The following KIF1A variants were observed in gnomAD, a reference collection of about 807,000 sequenced individuals.
The protein encoded by KIF1A is kinesin-like protein KIF1A.
KIF1A carries 46 observed loss-of-function variants against 227.3 expected under a neutral mutation model. The ratio of observed to expected loss-of-function variants is 0.20; its 90% CI spans 0.16 to 0.26. KIF1A has a LOEUF of 0.26. Among genes scored for constraint, KIF1A ranks in the 10% least tolerant of loss-of-function variants. The pLI is 1.00. For synonymous variants in KIF1A, 1,022 were observed against 1,012.8 expected, an observed-to-expected ratio of 1.01 and a Z score of -0.17; for missense variants, 1,683 against 2,485.9, an observed-to-expected ratio of 0.68 and a Z score of 6.87.
chr2:240,789,034 G>A lies in KIF1A; in HGVS notation c.183+202C>T, dbSNP rs1481362542. On this transcript the variant is annotated intron_variant, in intron 3 of 48. Coordinates refer to ENST00000498729, the MANE Select transcript of KIF1A (RefSeq NM_001244008.2). The surrounding 1 kb of genome is among the most constrained non-coding windows in gnomAD (Gnocchi z 4.8). ...CTCTGACCCTGGAAACTACCCACAC[G>A]GAGCTGAAGGCCCCTCAGTTCCTGC... Among the ~76,000 whole-genome samples, 2 of 152,296 alleles carry A rather than the reference G, an allele frequency of 1.3e-5. No homozygotes were observed. Among genetic ancestry groups the A allele is most frequent in the African/African-American group, 4.8e-5 (2 of 41,546 alleles).
rs1281865300 is a variant in KIF1A, at chr2:240,741,722, C to G, written c.3641-345G>C. On this transcript the variant is annotated intron_variant, in intron 34 of 48. Transcript: ENST00000498729. ...ATACCCTTGTTCAAAAGCCCCACAACCCTCACGGGGCCGCTCTGCCATGCT... is the reference window on the plus strand; with the variant it reads ...ATACCCTTGTTCAAAAGCCCCACAAGCCTCACGGGGCCGCTCTGCCATGCT... Among the ~76,000 whole-genome samples, 3 of 152,248 alleles carry G rather than the reference C, an allele frequency of 2.0e-5. No homozygotes were observed. The East Asian group carries it at 5.8e-4, about 29-fold the overall frequency.
Position 240,742,813 on chromosome 2 carries a change from TGG to T in KIF1A, c.3640+114_3640+115del, listed in dbSNP as rs141244808. The T allele has an allele frequency of 1.8e-3, 1,683 of 955,282 alleles. 9 individuals carry two copies. The African/African-American group carries it at 0.022, about 12-fold the overall frequency. 59.2% of individuals were successfully genotyped at this position (955,282 alleles called of 1,614,324 possible). A position where few individuals can be genotyped will look rare whatever the true frequency, so the allele number is the denominator to read the frequency against. On this transcript the variant is annotated intron_variant, in intron 34 of 48. Transcript: ENST00000498729. ...AGGCTCAGGGTGGCGCCAGAGTGCCTGGGAGGGCACAGCCCAGTCACAGAGGA... is the reference window on the plus strand; with the variant it reads ...AGGCTCAGGGTGGCGCCAGAGTGCCTGAGGGCACAGCCCAGTCACAGAGGA...
At position 240,721,005 on chromosome 2, in the gene KIF1A, G is replaced by A; in HGVS notation, c.4777C>T (p.Pro1593Ser). The change falls in exon 45 of 49, where the codon CCG becomes TCG. Residue 1593 changes from proline (P) to serine (S), a missense_variant. By Grantham distance (74) the Pro-to-Ser change is moderately conservative (BLOSUM62 -1). Around this residue, in one of 12 missense-constraint regions of KIF1A, gnomAD observed 384 missense variants for 410.1 expected, o/e 0.94. Coordinates refer to ENST00000498729, the MANE Select transcript of KIF1A (RefSeq NM_001244008.2). The part of the protein sequence containing the change: ...SEMSVTLLRD[P>S]SMSPLGVATL... Reference sequence around the variant, plus strand: ...GCCACCCCTAGAGGGGACATCGACGGGTCCCGGAGCAGGGTGACAGACATC... The same window carrying A: ...GCCACCCCTAGAGGGGACATCGACGAGTCCCGGAGCAGGGTGACAGACATC... 6.2e-7 allele frequency: 1 copy of A among 1,611,232 alleles called. No individual in the cohort carries two copies. The highest frequency in any genetic ancestry group is 8.5e-7 in the Non-Finnish European group (1 of 1,179,270).
intron 5 of KIF1A, 41 bp from the exon 6 acceptor site, chr2:240,786,554 G>A: frequency 6.3e-7 from 1 of 1,597,904 alleles, no homozygotes; most frequent in East Asian, 2.2e-5. Context: ...CCTGAGGCGA[G>A]GGAGTGGGGC....
At position 240,717,321 on chromosome 2, in the gene KIF1A, G is replaced by A. The variant is rs1242595613; in HGVS notation, c.*43C>T. 1.3e-6 allele frequency: 2 copies of A among 1,576,934 alleles called. No homozygotes were observed. The highest frequency in any genetic ancestry group is 1.1e-5 in the South Asian group (1 of 90,338). On this transcript the variant is annotated 3_prime_UTR_variant, in exon 49 of 49. Transcript: ENST00000498729. Reference sequence around the variant, plus strand: ...TGACAGGACAGACGAGGATGAGGGAGGGGATGGGCTGGGCCTGCCGGCTGT... The same window carrying A: ...TGACAGGACAGACGAGGATGAGGGAAGGGATGGGCTGGGCCTGCCGGCTGT...
chr2:240,779,917 C>A (rs2053402705), intron 10 of KIF1A, among the ~76,000 whole-genome samples: 1 of 152,184 alleles, frequency 6.6e-6, no homozygotes, highest in Admixed American at 6.5e-5. Flanking sequence ...CCCCACGCCC[C>A]ACGGTGCTTC....
At chr2:240,722,435 C>T (rs915380794) in intron 43 of KIF1A, 21 bp downstream of exon 43, 5 of 1,544,358 alleles carry the variant, frequency 3.2e-6, no homozygotes, top group Admixed American at 2.0e-5. Context: ...TACGGCTGTA[C>T]TGCCCACCAG....
rs114649853 is a variant in KIF1A at position 240,732,412 on chromosome 2, G to A, written c.4007+4651C>T. Among the ~76,000 whole-genome samples, 849 of 146,120 alleles carry A rather than the reference G, an allele frequency of 5.8e-3. 8 individuals are homozygous for A. Among genetic ancestry groups the A allele is most frequent in the African/African-American group, 0.019 (758 of 39,294 alleles). On this transcript the variant is annotated intron_variant, in intron 38 of 48. Coordinates refer to ENST00000498729, the MANE Select transcript of KIF1A (RefSeq NM_001244008.2). ...GAATGAAGGGAGGCATGATTAGGGC[G>A]TAAGGGGAGGAGAGGGTGAGGGAAT...
In KIF1A at chr2:240,758,349, G is replaced by C. The variant is rs778307088; in HGVS notation, c.2582+11C>G. On this transcript the variant is annotated intron_variant, in intron 26 of 48. Transcript: ENST00000498729. This position sits in a 1 kb window ranked among gnomAD's most constrained non-coding sequence, Gnocchi z 5.2. Reference sequence around the variant, plus strand: ...TCTCTCTCTCTGCCAAGGAAGGGAGGAGGCGCCCACCTGCCCACCAGCCGG... The same window carrying C: ...TCTCTCTCTCTGCCAAGGAAGGGAGCAGGCGCCCACCTGCCCACCAGCCGG... 2 of 1,607,406 alleles carry C rather than the reference G, an allele frequency of 1.2e-6. No homozygotes were observed. Among genetic ancestry groups the C allele is most frequent in the Admixed American group, 1.7e-5 (1 of 59,316 alleles).
intron 1 of KIF1A, among the ~76,000 whole-genome samples, chr2:240,807,130 G>GTGTGTATA (rs1356399506): frequency 1.7e-3 from 205 of 119,366 alleles, no homozygotes; most frequent in African/African-American, 5.9e-3. Context: ...GTGTGTGTGT[G>GTGTGTATA]TATATATATA....
At chr2:240,809,783 T>A (rs368380522) in intron 1 of KIF1A, among the ~76,000 whole-genome samples, 2 of 150,694 alleles carry the variant, frequency 1.3e-5, no homozygotes, top group Non-Finnish European at 2.9e-5. Flanking sequence ...AAATACCTAA[T>A]GTAAATGACG....
In KIF1A at chr2:240,809,668, A is replaced by ATTTTT. The variant is rs59491347; in HGVS notation, c.-61+10449_-61+10453dup. ...TCTTCACGCTACCCCTAGGGAAGGA[A>ATTTTT]TTTTTTTTTTTTTTTTTTGAGACAG... On this transcript the variant is annotated intron_variant, in intron 1 of 48. Coordinates refer to ENST00000498729, the MANE Select transcript of KIF1A (RefSeq NM_001244008.2). Among the ~76,000 whole-genome samples, 652 of 140,328 alleles carry ATTTTT rather than the reference A, an allele frequency of 4.6e-3. 7 individuals are homozygous for ATTTTT. Among genetic ancestry groups the ATTTTT allele is most frequent in the African/African-American group, 0.016 (588 of 37,282 alleles). 92.1% of individuals were successfully genotyped at this position (140,328 alleles called of 152,430 possible). A position where few individuals can be genotyped will look rare whatever the true frequency, so the allele number is the denominator to read the frequency against.
In KIF1A at chr2:240,740,580, G is replaced by A. The variant is rs1487366927; in HGVS notation, c.3750-216C>T. Among the ~76,000 whole-genome samples the A allele has an allele frequency of 1.3e-5, 2 of 151,778 alleles. No homozygotes were observed. The highest frequency in any genetic ancestry group is 2.9e-5 in the Non-Finnish European group (2 of 67,924). On this transcript the variant is annotated intron_variant, in intron 35 of 48. Coordinates refer to ENST00000498729, the MANE Select transcript of KIF1A (RefSeq NM_001244008.2). The surrounding 1 kb of genome is among the most constrained non-coding windows in gnomAD (Gnocchi z 6.1). ...CCTCCCAGCCCTGCCCACTGGACTGGCAGGGTGTCCAACAAGGAGACACGG... is the reference window on the plus strand; with the variant it reads ...CCTCCCAGCCCTGCCCACTGGACTGACAGGGTGTCCAACAAGGAGACACGG...
intron 27 of KIF1A, among the ~76,000 whole-genome samples, chr2:240,754,089 C>T (rs1201381891): frequency 1.3e-5 from 2 of 152,346 alleles, no homozygotes; most frequent in Non-Finnish European, 1.5e-5. Flanking sequence ...AGGACCCAGA[C>T]ACTGTAGCAT....
Position 240,721,816 on chromosome 2 carries a change from G to GCTGGCA in KIF1A, c.4728_4733dup (p.Ala1577_Ser1578dup). ...GCCCCTCTGCACCCACCTTGCTCTCGCTGGCACTGACGCAGACGTGGCTGT... is the reference window on the plus strand; with the variant it reads ...GCCCCTCTGCACCCACCTTGCTCTCGCTGGCACTGGCACTGACGCAGACGTGGCTGT... On this transcript the variant is annotated inframe_insertion, in exon 44 of 49. Transcript: ENST00000498729. The GCTGGCA allele has an allele frequency of 6.2e-7, 1 of 1,604,726 alleles. No individual in the cohort carries two copies. The highest frequency in any genetic ancestry group is 8.5e-7 in the Non-Finnish European group (1 of 1,178,876).
chr2:240,815,765 C>A (rs548739918), intron 1 of KIF1A, among the ~76,000 whole-genome samples: 1 of 152,174 alleles, frequency 6.6e-6, no homozygotes, highest in East Asian at 1.9e-4. Flanking sequence ...CTACCATCCT[C>A]GGAGTCCCAG....
intron 28 of KIF1A, among the ~76,000 whole-genome samples, chr2:240,749,483 C>T (rs1363749882): frequency 1.3e-5 from 2 of 152,168 alleles, no homozygotes; most frequent in Non-Finnish European, 2.9e-5. Context: ...GTACTACTCC[C>T]TCCCTAGGGT....
At chr2:240,785,224 C>T in intron 6 of KIF1A, 124 bp from the exon 7 acceptor site, 1 of 756,956 alleles carries the variant, frequency 1.3e-6, no homozygotes, top group Admixed American at 2.3e-5. Flanking sequence ...CCAGGGGCCG[C>T]CCTGCTGGGC....
intron 33 of KIF1A, 85 bp downstream of exon 33, chr2:240,743,857 T>C: frequency 2.1e-6 from 2 of 940,618 alleles, no homozygotes. Context: ...GCATAGGCTC[T>C]GCAGCCTCAA....
Sources: allele counts gnomAD v4.1 joint callset (sites outside exome capture counted in the v4.1 genomes callset), GRCh38; gene constraint gnomAD v4.1.1; regional missense constraint gnomAD v4.1.1; non-coding constraint Gnocchi (gnomAD v3.1); transcripts MANE v1.5; gene names NCBI Gene and HGNC (gene_info 2026-07-23, HGNC 2026-07-21).